The following RBMS1 variants were observed in gnomAD, a reference collection of about 807,000 sequenced individuals.
The protein encoded by RBMS1 is RNA-binding motif, single-stranded-interacting protein 1.
RBMS1 carries 17 observed loss-of-function variants against 62.3 expected under a neutral mutation model. That is an observed-to-expected ratio of 0.27 (90% CI 0.19 to 0.41). RBMS1 has a LOEUF of 0.41. Among genes scored for constraint, RBMS1 ranks in the 10% least tolerant of loss-of-function variants. The pLI is 1.00. For synonymous variants in RBMS1, 172 were observed against 170.0 expected (o/e 1.01, Z -0.09); for missense variants, 334 against 504.5 (o/e 0.66, Z 3.24).
intron 5 of RBMS1, 62 bp from the exon 6 acceptor site, chr2:160,300,792 G>T (rs62177260): frequency 2.1e-6 from 3 of 1,434,746 alleles, no homozygotes; most frequent in Non-Finnish European, 2.8e-6. Flanking sequence ...CATCTTGTTC[G>T]GTGCATGCAT....
intron 1 of RBMS1, 32 bp downstream of exon 1, chr2:160,493,257 C>G: frequency 6.2e-7 from 1 of 1,604,898 alleles, no homozygotes; most frequent in Non-Finnish European, 8.5e-7. Flanking sequence ...GCCCCCTCCT[C>G]CGGCCGTCAC....
intron 1 of RBMS1, among the ~76,000 whole-genome samples, chr2:160,465,847 C>T (rs544903187): frequency 7.7e-4 from 85 of 110,624 alleles, no homozygotes; most frequent in African/African-American, 2.4e-3. Flanking sequence ...CCCCACACCA[C>T]ACACACACAC....
intron 4 of RBMS1, among the ~76,000 whole-genome samples, chr2:160,309,743 T>C (rs1347899965): frequency 6.6e-6 from 1 of 152,144 alleles, no homozygotes; most frequent in Non-Finnish European, 1.5e-5. Context: ...TCAGATGACC[T>C]CACTGTCAGG....
chr2:160,307,144 T>A (rs1689576409), intron 4 of RBMS1, among the ~76,000 whole-genome samples: 1 of 151,800 alleles, frequency 6.6e-6, no homozygotes, highest in Non-Finnish European at 1.5e-5. Flanking sequence ...CCGAAAGAAA[T>A]TAACAAAAAC....
intron 2 of RBMS1, among the ~76,000 whole-genome samples, chr2:160,355,207 T>C (rs974217946): frequency 3.3e-5 from 5 of 152,154 alleles, no homozygotes; most frequent in Non-Finnish European, 7.4e-5. Flanking sequence ...TCGAATCCAC[T>C]ATAAATAATC....
chr2:160,465,110 T>G (rs945597971), intron 1 of RBMS1, among the ~76,000 whole-genome samples: 3 of 152,216 alleles, frequency 2.0e-5, no homozygotes, highest in Admixed American at 2.0e-4. Context: ...AAAAGTCAAA[T>G]AAGCTAATCT....
chr2:160,407,987 C>T, intron 1 of RBMS1: 1 of 907,892 alleles, frequency 1.1e-6, no homozygotes, highest in South Asian at 5.0e-5. Flanking sequence ...CCCGCCCGCC[C>T]GCTGGGCGCG....
intron 1 of RBMS1, among the ~76,000 whole-genome samples, chr2:160,374,947 G>T (rs182202076): frequency 1.3e-3 from 191 of 152,024 alleles, no homozygotes; most frequent in African/African-American, 4.4e-3. Context: ...GGGACGGTGG[G>T]GGGGAGGAAT....
Position 160,300,647 on chromosome 2 carries a change from A to G in RBMS1, c.640+4T>C. ...ACTGATGAAGTTTCAGACAAACAAC[A>G]TACCAGAAACTCCTGGTGGTGTCTT... On this transcript the variant is annotated splice_donor_region_variant and intron_variant, in intron 6 of 13. Coordinates refer to ENST00000348849, the MANE Select transcript of RBMS1 (RefSeq NM_016836.4). 6.3e-7 allele frequency: 1 copy of G among 1,591,194 alleles called. No homozygotes were observed. The highest frequency in any genetic ancestry group is 8.5e-7 in the Non-Finnish European group (1 of 1,171,510).
chr2:160,388,551 G>A (rs960765800), intron 1 of RBMS1, among the ~76,000 whole-genome samples: 1 of 152,134 alleles, frequency 6.6e-6, no homozygotes, highest in Admixed American at 6.5e-5. Context: ...CTCTGGGTCC[G>A]TGTCACTCCC....
chr2:160,344,352 T>C (rs1307415212), intron 2 of RBMS1, among the ~76,000 whole-genome samples: 1 of 152,174 alleles, frequency 6.6e-6, no homozygotes, highest in Non-Finnish European at 1.5e-5. Flanking sequence ...CACTTAACTT[T>C]CTGAGATACC....
At chr2:160,331,261 C>G (rs1315867846) in intron 2 of RBMS1, among the ~76,000 whole-genome samples, 1 of 152,140 alleles carries the variant, frequency 6.6e-6, no homozygotes, top group Admixed American at 6.5e-5. Flanking sequence ...CTATACAGGT[C>G]CCTGTCCTGC....
At position 160,372,227 on chromosome 2, in the gene RBMS1, G is replaced by A. The variant is rs553746432; in HGVS notation, c.76-4836C>T. On this transcript the variant is annotated intron_variant, in intron 1 of 13. Coordinates refer to ENST00000348849, the MANE Select transcript of RBMS1 (RefSeq NM_016836.4). The stretch of plus-strand genomic sequence containing the variant: ...GCCACTTCTCTAATAATTCTAGTAC[G>A]TTTTGAAGGGAAAGGAAAGCTAGGA... 1.5e-4 allele frequency among the ~76,000 whole-genome samples: 22 copies of A among 149,158 alleles called. No homozygotes were observed. The East Asian group carries it at 3.0e-3, about 20-fold the overall frequency.
chr2:160,438,261 C>CTTT (rs67789291), intron 1 of RBMS1, among the ~76,000 whole-genome samples: 1 of 91,008 alleles, frequency 1.1e-5, no homozygotes, highest in Non-Finnish European at 2.5e-5. Context: ...TCAATACTTT[C>CTTT]TTTTTTTTTT....
At position 160,493,438 on chromosome 2, in the gene RBMS1, C is replaced by T; in HGVS notation, c.-75G>A. ...CCAAGTCTCGGGCTCTCCTGCCTCT[C>T]CCTTTCCGGCGGCGGCGGCAGCGGC... On this transcript the variant is annotated 5_prime_UTR_variant, in exon 1 of 14. Coordinates refer to ENST00000348849, the MANE Select transcript of RBMS1 (RefSeq NM_016836.4). 2 of 1,451,026 alleles carry T rather than the reference C, an allele frequency of 1.4e-6. No individual in the cohort carries two copies. The highest frequency in any genetic ancestry group is 9.6e-7 in the Non-Finnish European group (1 of 1,040,676). The allele number at this position is 1,451,026 out of a possible 1,614,324, so 89.9% of individuals were successfully genotyped here.
At chr2:160,286,939 C>A (rs766485371) in intron 7 of RBMS1, 30 bp downstream of exon 7, 83 of 1,608,890 alleles carry the variant, frequency 5.2e-5, no homozygotes, top group Middle Eastern at 2.2e-4. Flanking sequence ...CCCCCTCCCC[C>A]ACCCCGCAAA....
chr2:160,416,978 T>C (rs1410095543), intron 1 of RBMS1, among the ~76,000 whole-genome samples: 3 of 152,222 alleles, frequency 2.0e-5, no homozygotes, highest in Admixed American at 2.0e-4. Context: ...GGTCAACTTA[T>C]AAAAGTGAGA....
chr2:160,453,012 A>G (rs1265809228), intron 1 of RBMS1, among the ~76,000 whole-genome samples: 1 of 152,210 alleles, frequency 6.6e-6, no homozygotes, highest in Non-Finnish European at 1.5e-5. Flanking sequence ...TACAGGACTC[A>G]CGTAAGGATT....
intron 1 of RBMS1, among the ~76,000 whole-genome samples, chr2:160,373,634 G>A (rs185097364): frequency 3.4e-4 from 52 of 152,256 alleles, no homozygotes; most frequent in Middle Eastern, 3.4e-3. Flanking sequence ...TAAGGGGTAT[G>A]GGTGTGTGAA....
Sources: allele counts gnomAD v4.1 joint callset (sites outside exome capture counted in the v4.1 genomes callset), GRCh38; gene constraint gnomAD v4.1.1; transcripts MANE v1.5; gene names NCBI Gene and HGNC (gene_info 2026-07-23, HGNC 2026-07-21).